The following CDH17 variants were observed in gnomAD, a reference collection of about 807,000 sequenced individuals.
The protein encoded by CDH17 is cadherin 17.
Under a neutral mutation model 86.3 loss-of-function variants are expected in CDH17, and 67 were observed. The observed-to-expected ratio is 0.78, with a 90% confidence interval of 0.64 to 0.95. The LOEUF is 0.95. Ranked by LOEUF, CDH17 falls within the 40% of genes least tolerant of loss-of-function variation. The probability of loss-of-function intolerance (pLI) is 0.00; values close to 1 mark genes in which losing one functional copy is unlikely to be tolerated. For missense variants in CDH17, 993 were observed against 1,017.6 expected, an observed-to-expected ratio of 0.98 and a Z score of 0.33; for synonymous variants, 367 against 366.4, an observed-to-expected ratio of 1.00 and a Z score of -0.02.
chr8:94,202,911 C>A, intron 1 of CDH17: 2 of 289,428 alleles, frequency 6.9e-6, no homozygotes, highest in East Asian at 1.1e-4. Flanking sequence ...CCAATTCCTC[C>A]AATGAGGACA....
At chr8:94,179,366 C>T (rs539675420) in intron 3 of CDH17, among the ~76,000 whole-genome samples, 50 of 152,306 alleles carry the variant, frequency 3.3e-4, no homozygotes, top group African/African-American at 1.2e-3. Flanking sequence ...ATTGCAGCTG[C>T]CTGAGGCTGT....
At chr8:94,185,276 T>TATACACACAC (rs938570428) in intron 3 of CDH17, among the ~76,000 whole-genome samples, 3 of 136,760 alleles carry the variant, frequency 2.2e-5, no homozygotes, top group African/African-American at 7.9e-5. Context: ...CCTACCCCAA[T>TATACACACAC]ACACACACAC....
intron 12 of CDH17, among the ~76,000 whole-genome samples, chr8:94,155,533 C>T (rs1435983877): frequency 6.6e-6 from 1 of 152,186 alleles, no homozygotes; most frequent in Non-Finnish European, 1.5e-5. Flanking sequence ...TAAGCACCCT[C>T]CCTGGCTTTT....
At chr8:94,202,985 G>A (rs1041803066) in intron 1 of CDH17, 2 of 293,562 alleles carry the variant, frequency 6.8e-6, no homozygotes, top group South Asian at 3.2e-5. Context: ...CCTTGCCACT[G>A]GCAAAGCCTT....
Position 94,128,208 on chromosome 8 carries a change from T to G in CDH17, c.*32A>C, listed in dbSNP as rs1282213137. The G allele has an allele frequency of 5.8e-6, 8 of 1,369,990 alleles. No individual in the cohort carries two copies. Among genetic ancestry groups the G allele is most frequent in the Non-Finnish European group, 8.3e-6 (8 of 960,138 alleles). 84.9% of individuals were successfully genotyped at this position (1,369,990 alleles called of 1,614,324 possible). A position where few individuals can be genotyped will look rare whatever the true frequency, so the allele number is the denominator to read the frequency against. On this transcript the variant is annotated 3_prime_UTR_variant, in exon 18 of 18. Transcript: ENST00000027335. ...AGATGGTTGTTGCTGAAATAGCACT[T>G]GCTATATAAATTCAAACATTCCTTT... is the stretch of plus-strand genomic sequence containing the variant.
In CDH17 at chr8:94,177,608, T is replaced by G. The variant is rs1213686472; in HGVS notation, c.264A>C (p.Thr88=). Residue 88 remains threonine (T), a synonymous_variant, in exon 4 of 18, where the codon ACA becomes ACC. Transcript: ENST00000027335. ...LYYNRALDRE[T]RSTHNLQVAA... is the part of the protein sequence containing the mutation. ...TTACCTGGAGATTGTGAGTAGATCTTGTTTCCCTGTCCAAGGCTCTGTTGT... is the reference window on the plus strand; with the variant it reads ...TTACCTGGAGATTGTGAGTAGATCTGGTTTCCCTGTCCAAGGCTCTGTTGT... 1 of 1,613,494 alleles carries G rather than the reference T, an allele frequency of 6.2e-7. No individual in the cohort carries two copies. Among genetic ancestry groups the G allele is most frequent in the Non-Finnish European group, 8.5e-7 (1 of 1,179,744 alleles).
In CDH17 at chr8:94,152,170, C is replaced by A. The variant is rs1812869192; in HGVS notation, c.1552-58G>T. The A allele has an allele frequency of 1.8e-5, 29 of 1,576,620 alleles. 1 individual carries two copies. In the South Asian group the frequency reaches 2.7e-4, roughly 15 times the overall value. The stretch of plus-strand genomic sequence containing the variant: ...GGGTGATTAGCTCCCTTAAAAGATT[C>A]ATTCCCTATCCTTCTTAAACTCTCA... On this transcript the variant is annotated intron_variant, in intron 12 of 17. Coordinates refer to ENST00000027335, the MANE Select transcript of CDH17 (RefSeq NM_004063.4).
chr8:94,151,796 G>A, intron 13 of CDH17, 72 bp downstream of exon 13: 1 of 1,590,750 alleles, frequency 6.3e-7, no homozygotes, highest in Admixed American at 1.7e-5. Flanking sequence ...GTCAGTGCAG[G>A]CCAGCTCCTC....
upstream of CDH17, among the ~76,000 whole-genome samples, chr8:94,208,847 G>C (rs1304316042): frequency 6.6e-6 from 1 of 152,200 alleles, no homozygotes; most frequent in Non-Finnish European, 1.5e-5. Context: ...ACTATCTCTA[G>C]AGTGTGAGGT....
intron 1 of CDH17, among the ~76,000 whole-genome samples, chr8:94,205,539 G>C (rs1348327642): frequency 6.6e-6 from 1 of 152,168 alleles, no homozygotes; most frequent in Non-Finnish European, 1.5e-5. Flanking sequence ...TTAATGCCAA[G>C]AATGTGCAGT....
At position 94,172,363 on chromosome 8, in the gene CDH17, A is replaced by G. The variant is rs146583786; in HGVS notation, c.784-1378T>C. On this transcript the variant is annotated intron_variant, in intron 7 of 17. Coordinates refer to ENST00000027335, the MANE Select transcript of CDH17 (RefSeq NM_004063.4). Reference sequence around the variant, plus strand: ...TTGAAGTTCATTAATTCAACATTCAATAAATAAATGTCCCTGGGCCCATCC... The same window carrying G: ...TTGAAGTTCATTAATTCAACATTCAGTAAATAAATGTCCCTGGGCCCATCC... 4.2e-3 allele frequency among the ~76,000 whole-genome samples: 636 copies of G among 152,104 alleles called. 1 individual carries two copies. The highest frequency in any genetic ancestry group is 0.014 in the African/African-American group (569 of 41,514).
At chr8:94,182,417 T>C (rs1000248386) in intron 3 of CDH17, among the ~76,000 whole-genome samples, 2 of 152,164 alleles carry the variant, frequency 1.3e-5, no homozygotes, top group African/African-American at 4.8e-5. Flanking sequence ...AAAAGTATTA[T>C]ATACCATTAC....
rs374783321 is a variant in CDH17 at position 94,176,954 on chromosome 8, T to C, written c.286-275A>G. Among the ~76,000 whole-genome samples the C allele has an allele frequency of 1.5e-3, 234 of 152,362 alleles. 1 individual carries two copies. Among genetic ancestry groups the C allele is most frequent in the African/African-American group, 5.4e-3 (225 of 41,596 alleles). On this transcript the variant is annotated intron_variant, in intron 4 of 17. Transcript: ENST00000027335. ...TGAAGTCCATGAAACAAGAGCACTG[T>C]GACCCCTGAGAATATGAAAGTGTTG...
At chr8:94,185,712 T>G (rs1202512578) in intron 3 of CDH17, among the ~76,000 whole-genome samples, 2 of 152,202 alleles carry the variant, frequency 1.3e-5, no homozygotes, top group Non-Finnish European at 2.9e-5. Context: ...AAAAAAACTA[T>G]GCCAATTTTT....
intron 17 of CDH17, among the ~76,000 whole-genome samples, chr8:94,128,750 C>A (rs985403223): frequency 3.3e-5 from 5 of 152,150 alleles, no homozygotes; most frequent in Admixed American, 2.6e-4. Context: ...ATCCAATTAG[C>A]ACAACTAGAA....
At chr8:94,189,370 A>G (rs1813642779) in intron 2 of CDH17, 85 bp from the exon 3 acceptor site, 1 of 893,842 alleles carries the variant, frequency 1.1e-6, no homozygotes, top group Non-Finnish European at 1.8e-6. Flanking sequence ...CAGCACCAAT[A>G]TACAAAACAT....
At chr8:94,182,043 A>C (rs935233198) in intron 3 of CDH17, among the ~76,000 whole-genome samples, 1 of 152,178 alleles carries the variant, frequency 6.6e-6, no homozygotes, top group African/African-American at 2.4e-5. Context: ...TCAAATGGAC[A>C]AATTTCTAGA....
intron 9 of CDH17, among the ~76,000 whole-genome samples, chr8:94,167,560 A>G (rs1330338916): frequency 1.3e-5 from 2 of 152,242 alleles, no homozygotes; most frequent in Non-Finnish European, 2.9e-5. Context: ...TGAATAGGAC[A>G]GAAGAGAATA....
chr8:94,142,883 C>T (rs778511805), intron 15 of CDH17, among the ~76,000 whole-genome samples: 28 of 152,288 alleles, frequency 1.8e-4, no homozygotes, highest in South Asian at 2.1e-4. Context: ...ATTTTCACCA[C>T]GTTTTCAGTG....
Sources: gnomAD v4.1 joint callset for allele counts (sites outside exome capture counted in the v4.1 genomes callset) on GRCh38, gnomAD v4.1.1 for gene constraint, MANE v1.5 for transcripts, NCBI Gene and HGNC (gene_info 2026-07-23, HGNC 2026-07-21) for gene names.